Variants in SSH2 observed in about 807,000 individuals in gnomAD.
SSH2 encodes the protein slingshot protein phosphatase 2.
Under a neutral mutation model 135.2 loss-of-function variants are expected in SSH2, and 37 were observed. The ratio of observed to expected loss-of-function variants is 0.27; its 90% CI spans 0.21 to 0.36. SSH2 has a LOEUF of 0.36. Among genes scored for constraint, SSH2 ranks in the 10% least tolerant of loss-of-function variants. The pLI, the probability that SSH2 is intolerant of heterozygous loss-of-function variation, is 1.00. For synonymous variants in SSH2, 628 were observed against 646.2 expected (o/e 0.97, Z 0.43); for missense variants, 1,408 against 1,765.3 (o/e 0.80, Z 3.63).
chr17:29,761,887 A>ATATTT (rs1189981277), intron 3 of SSH2, among the ~76,000 whole-genome samples: 6 of 143,658 alleles, frequency 4.2e-5, no homozygotes, highest in African/African-American at 1.6e-4. Flanking sequence ...ATATATATAT[A>ATATTT]TTTTTTTTTG....
chr17:29,762,183 ATT>A (rs34151179), intron 3 of SSH2, among the ~76,000 whole-genome samples: 3 of 149,398 alleles, frequency 2.0e-5, no homozygotes, highest in Non-Finnish European at 1.5e-5. Flanking sequence ...TCCCGGCAAG[ATT>A]TTTTTTTTTT....
chr17:29,857,873 C>T (rs1180488213), intron 1 of SSH2, among the ~76,000 whole-genome samples: 2 of 152,186 alleles, frequency 1.3e-5, no homozygotes, highest in Non-Finnish European at 2.9e-5. Context: ...GAATCTATAT[C>T]CACCAAACAA....
At chr17:29,719,990 C>T (rs1460406301) in intron 3 of SSH2, among the ~76,000 whole-genome samples, 1 of 152,156 alleles carries the variant, frequency 6.6e-6, no homozygotes, top group East Asian at 1.9e-4. Context: ...AACTCCTGAC[C>T]TCAGGTGATT....
At position 29,921,908 on chromosome 17, in the gene SSH2, G is replaced by C. The variant is rs145331966; in HGVS notation, c.63+8030C>G. ...AAAATATGTAAATGACCCAGTCCCT[G>C]ACTTATAGGTTAGTGGGGGAGATAA... On this transcript the variant is annotated intron_variant, in intron 1 of 15. Transcript: ENST00000540801. Among the ~76,000 whole-genome samples, 125 of 152,278 alleles carry C rather than the reference G, an allele frequency of 8.2e-4. 1 individual carries two copies. The East Asian group carries it at 0.021, about 25-fold the overall frequency.
At chr17:29,857,637 C>A (rs2065686482) in intron 1 of SSH2, among the ~76,000 whole-genome samples, 1 of 152,084 alleles carries the variant, frequency 6.6e-6, no homozygotes, top group African/African-American at 2.4e-5. Context: ...CTAAAAATTA[C>A]CACACCCAGG....
At chr17:29,651,531 T>C (rs191921679) in intron 12 of SSH2, among the ~76,000 whole-genome samples, 7 of 152,356 alleles carry the variant, frequency 4.6e-5, no homozygotes, top group Admixed American at 1.3e-4. Flanking sequence ...CAATAAATGC[T>C]TGAGCTCCAT....
chr17:29,901,136 G>A (rs555327051), intron 1 of SSH2, among the ~76,000 whole-genome samples: 2 of 152,098 alleles, frequency 1.3e-5, no homozygotes, highest in African/African-American at 2.4e-5. Context: ...TTGTGGGTTG[G>A]GGGGAGGGGA....
At chr17:29,647,779 C>T (rs2036437041) in intron 14 of SSH2, 1 of 232,896 alleles carries the variant, frequency 4.3e-6, no homozygotes, top group South Asian at 5.4e-5. Context: ...TGTCCTGCCT[C>T]AGCCTCCCAA....
At chr17:29,908,763 G>GAAAAAAAAAAAA (rs60242323) in intron 1 of SSH2, among the ~76,000 whole-genome samples, 1 of 50,888 alleles carries the variant, frequency 2.0e-5, no homozygotes, top group Non-Finnish European at 3.2e-5. Flanking sequence ...GACTCCATCT[G>GAAAAAAAAAAAA]AAAAAAAAAA....
chr17:29,712,971 A>C (rs1333510451), intron 3 of SSH2, among the ~76,000 whole-genome samples: 1 of 152,182 alleles, frequency 6.6e-6, no homozygotes, highest in Admixed American at 6.5e-5. Context: ...TTAACCCTTT[A>C]TTCTGTGTTC....
chr17:29,718,209 C>T (rs2039692910), intron 3 of SSH2, among the ~76,000 whole-genome samples: 1 of 152,126 alleles, frequency 6.6e-6, no homozygotes, highest in Non-Finnish European at 1.5e-5. Flanking sequence ...TTCTATGTTT[C>T]TGACTATTCC....
chr17:29,638,312 A>C (rs937531833), intron 14 of SSH2, among the ~76,000 whole-genome samples: 9 of 151,448 alleles, frequency 5.9e-5, no homozygotes, highest in Middle Eastern at 3.4e-3. Context: ...GAAAAAAAAA[A>C]CCTGTCAGGT....
chr17:29,630,712 G>GTAAAA lies in SSH2; in HGVS notation c.*128_*129insTTTTA. 1.1e-6 allele frequency: 1 copy of GTAAAA among 949,838 alleles called. No homozygotes were observed. The highest frequency in any genetic ancestry group is 1.6e-6 in the Non-Finnish European group (1 of 639,038). The allele number at this position is 949,838 out of a possible 1,614,324, so 58.8% of individuals were successfully genotyped here. A position where few individuals can be genotyped will look rare whatever the true frequency, so the allele number is the denominator to read the frequency against. On this transcript the variant is annotated 3_prime_UTR_variant, in exon 16 of 16. Coordinates refer to ENST00000540801, the MANE Select transcript of SSH2 (RefSeq NM_001282129.2). ...ACACACTGAAAAACACCCAAACCCT[G>GTAAAA]CATGCACCAGAAACAGTAAAATGAC...
chr17:29,926,022 TCC>T (rs1452162647), intron 1 of SSH2, among the ~76,000 whole-genome samples: 30 of 152,298 alleles, frequency 2.0e-4, no homozygotes, highest in Non-Finnish European at 2.9e-4. Context: ...ACAATATCTA[TCC>T]TAAGAGTTGG....
In SSH2 at chr17:29,649,773, G is replaced by T. The variant is rs534746355; in HGVS notation, c.1226+881C>A. Among the ~76,000 whole-genome samples the T allele has an allele frequency of 2.6e-5, 4 of 152,130 alleles. No individual in the cohort carries two copies. The South Asian group carries it at 8.3e-4, about 32-fold the overall frequency. ...ATGCCATGAATGGTATTATTACTGG[G>T]AATAATTTATTAACAGAATTCAAAA... is the stretch of plus-strand genomic sequence containing the variant. On this transcript the variant is annotated intron_variant, in intron 13 of 15. Transcript: ENST00000540801.
intron 11 of SSH2, 136 bp downstream of exon 11, chr17:29,666,731 G>T: frequency 1.3e-6 from 1 of 772,490 alleles, no homozygotes; most frequent in Non-Finnish European, 2.0e-6. Flanking sequence ...AAGTGATGAG[G>T]TTTGAGTACT....
chr17:29,844,549 C>A (rs2043098608), intron 2 of SSH2, among the ~76,000 whole-genome samples: 1 of 152,172 alleles, frequency 6.6e-6, no homozygotes. Context: ...ACTAGCATCC[C>A]AACCTGCTCT....
At chr17:29,843,734 A>C (rs980002109) in intron 2 of SSH2, among the ~76,000 whole-genome samples, 5 of 152,196 alleles carry the variant, frequency 3.3e-5, no homozygotes, top group Non-Finnish European at 7.4e-5. Flanking sequence ...TTCAATCTAT[A>C]AGGACTGGCT....
intron 4 of SSH2, among the ~76,000 whole-genome samples, chr17:29,702,352 C>CA (rs71138842): frequency 1.2e-4 from 17 of 141,144 alleles, no homozygotes; most frequent in Non-Finnish European, 1.9e-4. Context: ...GAGTCTGTCT[C>CA]AAAAAAAAAA....
Sources: gnomAD v4.1 joint callset for allele counts (sites outside exome capture counted in the v4.1 genomes callset) on GRCh38, gnomAD v4.1.1 for gene constraint, MANE v1.5 for transcripts, NCBI Gene and HGNC (gene_info 2026-07-23, HGNC 2026-07-21) for gene names.